Variants in SIL1 observed in about 807,000 individuals in gnomAD.
SIL1 encodes SIL1 nucleotide exchange factor.
A neutral mutation model predicts 49.1 loss-of-function variants in SIL1; 40 were observed. That is an observed-to-expected ratio of 0.81 (90% CI 0.63 to 1.06). The LOEUF is 1.06. SIL1 is among the 50% of genes least tolerant of loss of function. SIL1 has a pLI of 0.00. For synonymous variants in SIL1, 253 were observed against 250.8 expected (o/e 1.01, Z -0.08); for missense variants, 500 against 572.6 (o/e 0.87, Z 1.29).
chr5:138,999,101 C>T (rs1467411355), intron 7 of SIL1, among the ~76,000 whole-genome samples: 1 of 152,118 alleles, frequency 6.6e-6, no homozygotes, highest in Non-Finnish European at 1.5e-5. Context: ...AGGTGAAATG[C>T]CCACCTTGGC....
At chr5:139,116,270 G>A (rs1396634638) in intron 3 of SIL1, among the ~76,000 whole-genome samples, 3 of 152,110 alleles carry the variant, frequency 2.0e-5, no homozygotes, top group Non-Finnish European at 4.4e-5. Flanking sequence ...TATAATTCTT[G>A]GATTGCTCTC....
chr5:138,961,847 C>T (rs1767025642), intron 7 of SIL1, among the ~76,000 whole-genome samples: 1 of 152,032 alleles, frequency 6.6e-6, no homozygotes, highest in South Asian at 2.1e-4. Flanking sequence ...CTACTTTTTC[C>T]TGGACCCTCT....
chr5:139,134,263 G>A (rs1253025427), intron 1 of SIL1, among the ~76,000 whole-genome samples: 2 of 152,114 alleles, frequency 1.3e-5, no homozygotes, highest in East Asian at 1.9e-4. Flanking sequence ...GACTACTACC[G>A]AGTAGCAGAT....
chr5:138,951,914 AC>A (rs1312368584), intron 7 of SIL1, 30 bp from the exon 8 acceptor site: 1 of 1,580,970 alleles, frequency 6.3e-7, no homozygotes, highest in East Asian at 2.2e-5. Flanking sequence ...CAGCATGACT[AC>A]CCTGCCCAGC....
intron 3 of SIL1, among the ~76,000 whole-genome samples, chr5:139,069,972 C>A (rs1050800911): frequency 2.6e-5 from 4 of 152,004 alleles, no homozygotes; most frequent in African/African-American, 9.7e-5. Flanking sequence ...TGGGCTCTTC[C>A]TGAAGAATTT....
intron 3 of SIL1, among the ~76,000 whole-genome samples, chr5:139,070,633 T>G (rs1057100581): frequency 6.6e-6 from 1 of 152,140 alleles, no homozygotes; most frequent in African/African-American, 2.4e-5. Context: ...AAGAACTCAT[T>G]TGAAAACCTT....
intron 3 of SIL1, among the ~76,000 whole-genome samples, chr5:139,055,870 A>G (rs10062855): frequency 0.42 from 63,098 of 150,810 alleles, 14,020 homozygotes; most frequent in African/African-American, 0.58. Context: ...ACGGGGTTTC[A>G]CTGTGTTGGC....
chr5:139,069,269 C>A (rs1769775454), intron 3 of SIL1, among the ~76,000 whole-genome samples: 1 of 151,962 alleles, frequency 6.6e-6, no homozygotes, highest in Non-Finnish European at 1.5e-5. Flanking sequence ...GCCTGGGTAA[C>A]AGAGCGAGAT....
intron 1 of SIL1, among the ~76,000 whole-genome samples, chr5:139,193,490 C>A (rs1373337231): frequency 6.6e-6 from 1 of 152,088 alleles, no homozygotes; most frequent in Non-Finnish European, 1.5e-5. Context: ...ATCACTTGAA[C>A]CCAGGAGGCA....
intron 1 of SIL1, among the ~76,000 whole-genome samples, chr5:139,137,828 T>C (rs2151800008): frequency 6.6e-6 from 1 of 152,026 alleles, no homozygotes; most frequent in Non-Finnish European, 1.5e-5. Flanking sequence ...ATGAGCCTAC[T>C]GGGGCCCTCT....
In SIL1 at chr5:138,947,193, A is replaced by G. The variant is rs773697914; in HGVS notation, c.1310T>C (p.Leu437Pro). The change falls in exon 10 of 10, where the codon CTG becomes CCG. Residue 437 changes from leucine (L) to proline (P), a missense_variant. Coordinates refer to ENST00000394817, the MANE Select transcript of SIL1 (RefSeq NM_022464.5). This position sits in a 1 kb window ranked among gnomAD's most constrained non-coding sequence, Gnocchi z 4.1. Reference sequence around the variant, plus strand: ...GTAGCCCTCGTCCTCACCATCCTGCAGCTCCAGGCTGGCCAGCACCTGGTA... The same window carrying G: ...GTAGCCCTCGTCCTCACCATCCTGCGGCTCCAGGCTGGCCAGCACCTGGTA... ...AEYQVLASLE[L>P]QDGEDEGYFQ... 7 of 1,613,544 alleles carry G rather than the reference A, an allele frequency of 4.3e-6. No homozygotes were observed. The East Asian group carries it at 1.6e-4, about 36-fold the overall frequency.
Position 139,015,779 on chromosome 5 carries a change from A to G in SIL1, c.767+5392T>C, listed in dbSNP as rs143281443. 7.4e-4 allele frequency among the ~76,000 whole-genome samples: 113 copies of G among 152,368 alleles called. 2 individuals are homozygous for G. The highest frequency in any genetic ancestry group is 3.1e-3 in the East Asian group (16 of 5,194). ...GTCTCATTGGTCAGAACTGGGCCACATGGCCATCTCTAAACTAATACACAT... is the reference window on the plus strand; with the variant it reads ...GTCTCATTGGTCAGAACTGGGCCACGTGGCCATCTCTAAACTAATACACAT... On this transcript the variant is annotated intron_variant, in intron 7 of 9. Transcript: ENST00000394817.
rs369131244 is a variant in SIL1 at position 139,152,139 on chromosome 5, T to C, written c.-10-24286A>G. On this transcript the variant is annotated intron_variant, in intron 1 of 9. Transcript: ENST00000394817. ...GGCTCGGCAATGGTGCCTTGGGCCG[T>C]GCGTCTAAGATCAAACACCAGGGAC... is the stretch of plus-strand genomic sequence containing the variant. Among the ~76,000 whole-genome samples, 315 of 152,312 alleles carry C rather than the reference T, an allele frequency of 2.1e-3. 2 individuals are homozygous for C. Among genetic ancestry groups the C allele is most frequent in the Middle Eastern group, 0.014 (4 of 294 alleles).
intron 3 of SIL1, among the ~76,000 whole-genome samples, chr5:139,097,444 T>C (rs1770492405): frequency 1.3e-5 from 2 of 151,698 alleles, no homozygotes; most frequent in African/African-American, 4.8e-5. Context: ...ACAAATTCAG[T>C]AAAGATACAA....
At chr5:139,174,512 A>G (rs533735456) in intron 1 of SIL1, among the ~76,000 whole-genome samples, 1 of 152,138 alleles carries the variant, frequency 6.6e-6, no homozygotes, top group Non-Finnish European at 1.5e-5. Context: ...GACTCAAATT[A>G]CTAAAATCAG....
At chr5:138,959,046 T>C (rs932754119) in intron 7 of SIL1, among the ~76,000 whole-genome samples, 4 of 152,234 alleles carry the variant, frequency 2.6e-5, no homozygotes, top group African/African-American at 4.8e-5. Context: ...GGCTTCTGTG[T>C]CTTTTTAACA....
chr5:139,051,467 T>A (rs1416987139), intron 3 of SIL1, among the ~76,000 whole-genome samples: 1 of 152,144 alleles, frequency 6.6e-6, no homozygotes, highest in East Asian at 1.9e-4. Flanking sequence ...TCCTCGACAG[T>A]CAGTCCCACA....
intron 3 of SIL1, among the ~76,000 whole-genome samples, chr5:139,112,213 A>C (rs1002557828): frequency 1.3e-5 from 2 of 152,332 alleles, no homozygotes; most frequent in South Asian, 2.1e-4. Context: ...ACCTCCCAGC[A>C]GCCTGCCTTG....
At chr5:138,991,619 G>C (rs1767763124) in intron 7 of SIL1, among the ~76,000 whole-genome samples, 1 of 152,160 alleles carries the variant, frequency 6.6e-6, no homozygotes, top group African/African-American at 2.4e-5. Flanking sequence ...CAGGGTACAG[G>C]GTCGATATTT....
Sources: allele counts gnomAD v4.1 joint callset (sites outside exome capture counted in the v4.1 genomes callset), GRCh38; gene constraint gnomAD v4.1.1; non-coding constraint Gnocchi (gnomAD v3.1); transcripts MANE v1.5; gene names NCBI Gene and HGNC (gene_info 2026-07-23, HGNC 2026-07-21).